Variants in THRB observed in about 807,000 individuals in gnomAD.
THRB encodes the protein thyroid hormone receptor beta.
In THRB, 12 loss-of-function variants were observed where a neutral mutation model predicts 47.8. The observed-to-expected ratio is 0.25, with a 90% CI of 0.16 to 0.41. The LOEUF (loss-of-function observed/expected upper bound fraction) is 0.41. Ranked by LOEUF, THRB falls within the 10% of genes least tolerant of loss-of-function variation. The pLI is 1.00. For synonymous variants in THRB, 218 were observed against 212.2 expected (o/e 1.03, Z -0.24); for missense variants, 348 against 589.2 (o/e 0.59, Z 4.24).
At chr3:24,238,944 CTTT>C (rs548620071) in intron 3 of THRB, among the ~76,000 whole-genome samples, 6 of 141,032 alleles carry the variant, frequency 4.3e-5, no homozygotes, top group African/African-American at 7.8e-5. Context: ...GCATTAGGTT[CTTT>C]TTTTTTTTTT....
At chr3:24,453,947 C>T (rs547260106) in intron 1 of THRB, among the ~76,000 whole-genome samples, 3 of 152,278 alleles carry the variant, frequency 2.0e-5, no homozygotes, top group South Asian at 4.1e-4. Flanking sequence ...TTCTTGACCC[C>T]TTTCCCCAAA....
At chr3:24,263,114 T>G (rs573852698) in intron 3 of THRB, among the ~76,000 whole-genome samples, 1 of 152,194 alleles carries the variant, frequency 6.6e-6, no homozygotes, top group Non-Finnish European at 1.5e-5. Context: ...ATTCTTGAGC[T>G]TTTTTATGCC....
intron 5 of THRB, among the ~76,000 whole-genome samples, chr3:24,187,625 T>C (rs1158379978): frequency 1.3e-5 from 2 of 152,204 alleles, no homozygotes; most frequent in South Asian, 2.1e-4. Context: ...AGTGAATGCA[T>C]AGATTACTAG....
chr3:24,175,857 A>G (rs901717331), intron 5 of THRB, among the ~76,000 whole-genome samples: 1 of 152,210 alleles, frequency 6.6e-6, no homozygotes, highest in Non-Finnish European at 1.5e-5. Flanking sequence ...TGCACAGTGG[A>G]AAACTGAGGG....
chr3:24,172,291 T>C (rs961813985), intron 5 of THRB, among the ~76,000 whole-genome samples: 4 of 151,994 alleles, frequency 2.6e-5, no homozygotes, highest in African/African-American at 7.2e-5. Context: ...GTGTCCTTTT[T>C]AGGGTCTTTA....
At chr3:24,385,246 A>C (rs1163163160) in intron 1 of THRB, among the ~76,000 whole-genome samples, 1 of 152,124 alleles carries the variant, frequency 6.6e-6, no homozygotes, top group African/African-American at 2.4e-5. Context: ...TTTATTAATG[A>C]TCAAATACAG....
intron 4 of THRB, among the ~76,000 whole-genome samples, chr3:24,222,158 G>A (rs1436494842): frequency 2.0e-5 from 3 of 152,202 alleles, no homozygotes; most frequent in African/African-American, 7.2e-5. Flanking sequence ...AGAGAAACTC[G>A]TGAACTGAGG....
chr3:24,270,703 G>A (rs2053237741), intron 3 of THRB, among the ~76,000 whole-genome samples: 1 of 152,178 alleles, frequency 6.6e-6, no homozygotes, highest in African/African-American at 2.4e-5. Context: ...CCTGGGAGTG[G>A]GCAGAGTGAA....
intron 1 of THRB, among the ~76,000 whole-genome samples, chr3:24,358,239 A>G (rs1296081484): frequency 6.6e-6 from 1 of 152,184 alleles, no homozygotes; most frequent in African/African-American, 2.4e-5. Flanking sequence ...CAGTGTATTT[A>G]TCTGACTTTG....
chr3:24,264,872 C>T (rs185677100), intron 3 of THRB, among the ~76,000 whole-genome samples: 21 of 151,478 alleles, frequency 1.4e-4, no homozygotes, highest in African/African-American at 4.8e-4. Context: ...CTCCTTACAG[C>T]AGAGGGCCCC....
Position 24,122,298 on chromosome 3 carries a change from T to C in THRB, c.*586A>G, listed in dbSNP as rs1363177500. ...AAACCATAACGTTATAAAAATGATATTGGAAGGGCAGCTGATTTTTTTAGG... is the reference window on the plus strand; with the variant it reads ...AAACCATAACGTTATAAAAATGATACTGGAAGGGCAGCTGATTTTTTTAGG... On this transcript the variant is annotated 3_prime_UTR_variant, in exon 11 of 11. Coordinates refer to ENST00000646209, the MANE Select transcript of THRB (RefSeq NM_001354712.2). 6.3e-6 allele frequency: 1 copy of C among 159,058 alleles called. No individual in the cohort carries two copies. Among genetic ancestry groups the C allele is most frequent in the African/African-American group, 2.4e-5 (1 of 41,488 alleles). The allele number at this position is 159,058 out of a possible 1,614,324, so 9.9% of individuals were successfully genotyped here. A position where few individuals can be genotyped will look rare whatever the true frequency, so the allele number is the denominator to read the frequency against.
In THRB at chr3:24,424,726, A is replaced by G. The variant is rs563465629; in HGVS notation, c.-261+69926T>C. Among the ~76,000 whole-genome samples the G allele has an allele frequency of 4.6e-5, 7 of 152,104 alleles. No individual in the cohort carries two copies. In the East Asian group the frequency reaches 1.4e-3, roughly 30 times the overall value. On this transcript the variant is annotated intron_variant, in intron 1 of 10. Transcript: ENST00000646209. ...GTTTTTTAAAAAATTGTAAAAGCCT[A>G]GTAGCAAAACTTCAAAAAAGTAAAT...
rs527648345 is a variant in THRB, at chr3:24,137,855, A to T, written c.739-4393T>A. Among the ~76,000 whole-genome samples the T allele has an allele frequency of 7.9e-4, 121 of 152,256 alleles. No homozygotes were observed. The South Asian group carries it at 0.015, about 19-fold the overall frequency. On this transcript the variant is annotated intron_variant, in intron 8 of 10. Transcript: ENST00000646209. ...CTGTGGTTTGGGCAGGCTGAAGTGC[A>T]CTATGGGGATGGCAGTAGAGATGGA...
intron 2 of THRB, among the ~76,000 whole-genome samples, chr3:24,309,099 C>T (rs1276006979): frequency 1.3e-5 from 2 of 152,134 alleles, no homozygotes; most frequent in African/African-American, 4.8e-5. Flanking sequence ...CATCTCTGAC[C>T]ACACAGCGAA....
chr3:24,328,181 T>A (rs1476176223), intron 2 of THRB, among the ~76,000 whole-genome samples: 1 of 152,158 alleles, frequency 6.6e-6, no homozygotes, highest in African/African-American at 2.4e-5. Flanking sequence ...AATGGAAGCA[T>A]AAAATGACAC....
At chr3:24,325,385 GT>G (rs1435956934) in intron 2 of THRB, among the ~76,000 whole-genome samples, 1 of 152,100 alleles carries the variant, frequency 6.6e-6, no homozygotes, top group East Asian at 1.9e-4. Flanking sequence ...ATTGCAAATG[GT>G]TTTAAAAGAG....
At position 24,388,063 on chromosome 3, in the gene THRB, A is replaced by G. The variant is rs770011891; in HGVS notation, c.-260-50692T>C. ...CACCACCCAGATCTCCTTCAGTAAG[A>G]TATAACTGATTTCCCAGCTACTGAG... is the stretch of plus-strand genomic sequence containing the variant. On this transcript the variant is annotated intron_variant, in intron 1 of 10. Coordinates refer to ENST00000646209, the MANE Select transcript of THRB (RefSeq NM_001354712.2). Among the ~76,000 whole-genome samples, 94 of 152,052 alleles carry G rather than the reference A, an allele frequency of 6.2e-4. 1 individual carries two copies. Among genetic ancestry groups the G allele is most frequent in the Non-Finnish European group, 7.1e-4 (48 of 67,986 alleles).
chr3:24,370,663 T>C (rs925769239), intron 1 of THRB, among the ~76,000 whole-genome samples: 5 of 152,146 alleles, frequency 3.3e-5, no homozygotes, highest in East Asian at 1.9e-4. Flanking sequence ...TGGATAATGA[T>C]AGGGAATGCT....
intron 3 of THRB, among the ~76,000 whole-genome samples, chr3:24,279,021 G>A (rs2054235590): frequency 6.6e-6 from 1 of 151,902 alleles, no homozygotes; most frequent in Non-Finnish European, 1.5e-5. Flanking sequence ...GTTTTTAAAT[G>A]TTTCATAGAG....
Sources: gnomAD v4.1 joint callset for allele counts (sites outside exome capture counted in the v4.1 genomes callset) on GRCh38, gnomAD v4.1.1 for gene constraint, MANE v1.5 for transcripts, NCBI Gene and HGNC (gene_info 2026-07-23, HGNC 2026-07-21) for gene names.